GPAT4: variants seen among roughly 807,000 people sequenced by gnomAD.
GPAT4 encodes the protein 1-AGP acyltransferase 6.
In GPAT4, 17 loss-of-function variants were observed where a neutral mutation model predicts 58.0. The ratio of observed to expected loss-of-function variants is 0.29; its 90% CI spans 0.20 to 0.44. The LOEUF is 0.44. GPAT4 is among the 20% of genes least tolerant of loss of function. The probability of loss-of-function intolerance (pLI) is 1.00; values close to 1 mark genes in which losing one functional copy is unlikely to be tolerated. For missense variants in GPAT4, 377 were observed against 574.5 expected (o/e 0.66, Z 3.51); for synonymous variants, 204 against 210.1 (o/e 0.97, Z 0.25).
intron 1 of GPAT4, among the ~76,000 whole-genome samples, chr8:41,579,722 C>T (rs1802460602): frequency 6.6e-6 from 1 of 152,024 alleles, no homozygotes; most frequent in Non-Finnish European, 1.5e-5. Flanking sequence ...CTTGTATTCC[C>T]AGCTACTCGG....
At chr8:41,592,024 A>G (rs966161642) in intron 1 of GPAT4, among the ~76,000 whole-genome samples, 4 of 152,202 alleles carry the variant, frequency 2.6e-5, no homozygotes, top group Non-Finnish European at 5.9e-5. Context: ...CAGTATCCCT[A>G]CGAGCCATCT....
chr8:41,587,674 C>T (rs530848360), intron 1 of GPAT4, among the ~76,000 whole-genome samples: 5 of 152,268 alleles, frequency 3.3e-5, no homozygotes, highest in Admixed American at 1.3e-4. Flanking sequence ...CATCCCAAGT[C>T]GTGACAGCCA....
chr8:41,580,072 A>G (rs971847382), intron 1 of GPAT4, among the ~76,000 whole-genome samples: 4 of 152,210 alleles, frequency 2.6e-5, no homozygotes, highest in Admixed American at 2.6e-4. Flanking sequence ...GCTGTGGATG[A>G]AGACGCTTAC....
rs1403706042 is a variant in GPAT4, at chr8:41,623,877, G to T, written c.*2876G>T. The T allele has an allele frequency of 6.0e-5, 9 of 150,660 alleles. No homozygotes were observed. The allele number at this position is 150,660 out of a possible 1,614,324, so 9.3% of individuals were successfully genotyped here. On this transcript the variant is annotated 3_prime_UTR_variant, in exon 13 of 13. Coordinates refer to ENST00000396987, the MANE Select transcript of GPAT4 (RefSeq NM_178819.4). ...TTAAACACGGAGTTTCACTCTTGTT[G>T]CCCATGCTGGAGTGCAATGGCACAA...
At chr8:41,580,830 T>C (rs1802491633) in intron 1 of GPAT4, among the ~76,000 whole-genome samples, 1 of 152,206 alleles carries the variant, frequency 6.6e-6, no homozygotes. Flanking sequence ...AACTGTTGTG[T>C]GTCTATTTTG....
chr8:41,595,281 C>T (rs1336596069), intron 1 of GPAT4, among the ~76,000 whole-genome samples: 1 of 144,708 alleles, frequency 6.9e-6, no homozygotes, highest in Non-Finnish European at 1.5e-5. Flanking sequence ...TGTTAGGAAA[C>T]CTGCTGGGTT....
At position 41,614,546 on chromosome 8, in the gene GPAT4, G is replaced by A. The variant is rs1179547483; in HGVS notation, c.967+105G>A. ...CCCTCAGCCCTTGTTGGGGTTATCT[G>A]TTTTCACTGAATAATGTTAGGTCCC... On this transcript the variant is annotated intron_variant, in intron 9 of 12. Transcript: ENST00000396987. The A allele has an allele frequency of 5.3e-6, 6 of 1,139,606 alleles. No individual in the cohort carries two copies. The Admixed American group carries it at 1.1e-4, about 20-fold the overall frequency. 70.6% of individuals were successfully genotyped at this position (1,139,606 alleles called of 1,614,324 possible).
rs926231282 is a variant in GPAT4, at chr8:41,624,694, T to C, written c.*3693T>C. ...ACCCCACTCTCTCCCCCAGTCAATATGTCTCTCTCCGATGGGAAAGTTAAT... is the reference window on the plus strand; with the variant it reads ...ACCCCACTCTCTCCCCCAGTCAATACGTCTCTCTCCGATGGGAAAGTTAAT... On this transcript the variant is annotated 3_prime_UTR_variant, in exon 13 of 13. Coordinates refer to ENST00000396987, the MANE Select transcript of GPAT4 (RefSeq NM_178819.4). The C allele has an allele frequency of 3.3e-5, 5 of 152,266 alleles. No homozygotes were observed. Among genetic ancestry groups the C allele is most frequent in the Admixed American group, 6.5e-5 (1 of 15,286 alleles). 9.4% of individuals were successfully genotyped at this position (152,266 alleles called of 1,614,324 possible). A position where few individuals can be genotyped will look rare whatever the true frequency, so the allele number is the denominator to read the frequency against.
chr8:41,589,067 C>T (rs1432776874), intron 1 of GPAT4, among the ~76,000 whole-genome samples: 2 of 152,150 alleles, frequency 1.3e-5, no homozygotes, highest in South Asian at 2.1e-4. Context: ...CGTAAAAGAA[C>T]GGTTATCTAG....
In GPAT4 at chr8:41,578,239, C is replaced by T. The variant is rs896738898; in HGVS notation, c.-888C>T. On this transcript the variant is annotated 5_prime_UTR_variant, in exon 1 of 13. Coordinates refer to ENST00000396987, the MANE Select transcript of GPAT4 (RefSeq NM_178819.4). ...CGGCGGCGGCAAGGGCGGGAGGGAGCGGTCGCCGCGGGATTTGGAGCTGCC... is the reference window on the plus strand; with the variant it reads ...CGGCGGCGGCAAGGGCGGGAGGGAGTGGTCGCCGCGGGATTTGGAGCTGCC... 5 of 151,574 alleles carry T rather than the reference C, an allele frequency of 3.3e-5. No homozygotes were observed. Among genetic ancestry groups the T allele is most frequent in the Non-Finnish European group, 4.4e-5 (3 of 67,930 alleles). 9.4% of individuals were successfully genotyped at this position (151,574 alleles called of 1,614,324 possible).
At position 41,599,169 on chromosome 8, in the gene GPAT4, G is replaced by A; in HGVS notation, c.30G>A (p.Leu10=). ...TCCTGTTGCTGCCTTTTGATAGCCT[G>A]ATTGTCAACCTTCTGGGCATCTCCC... The part of the protein sequence containing the change: MFLLLPFDS[L]IVNLLGISLT... Residue 10 remains leucine (L), a synonymous_variant, in exon 2 of 13, where the codon CTG becomes CTA. Coordinates refer to ENST00000396987, the MANE Select transcript of GPAT4 (RefSeq NM_178819.4). 1 of 1,612,930 alleles carries A rather than the reference G, an allele frequency of 6.2e-7. No homozygotes were observed. The highest frequency in any genetic ancestry group is 8.5e-7 in the Non-Finnish European group (1 of 1,179,660).
At chr8:41,617,169 C>T (rs1015659924) in intron 10 of GPAT4, among the ~76,000 whole-genome samples, 2 of 152,142 alleles carry the variant, frequency 1.3e-5, no homozygotes, top group African/African-American at 2.4e-5. Context: ...CGAGGCAAGC[C>T]TGGCCAATAT....
chr8:41,613,137 C>T (rs993164701), intron 8 of GPAT4, among the ~76,000 whole-genome samples, 177 bp downstream of exon 8: 3 of 152,290 alleles, frequency 2.0e-5, no homozygotes, highest in Middle Eastern at 3.4e-3. Flanking sequence ...TGGCTCATGC[C>T]TGTAATCCCA....
chr8:41,604,263 G>A (rs1023167187), intron 2 of GPAT4, among the ~76,000 whole-genome samples: 30 of 152,192 alleles, frequency 2.0e-4, no homozygotes, highest in Admixed American at 6.5e-5. Flanking sequence ...ACCTAAGCTA[G>A]CCCTGGCTTA....
At chr8:41,596,378 A>G (rs1802932903) in intron 1 of GPAT4, among the ~76,000 whole-genome samples, 1 of 152,222 alleles carries the variant, frequency 6.6e-6, no homozygotes, top group Non-Finnish European at 1.5e-5. Context: ...GTCAAAACCA[A>G]AGTATCAAGC....
chr8:41,603,514 A>G (rs1803162783), intron 2 of GPAT4, among the ~76,000 whole-genome samples: 1 of 147,314 alleles, frequency 6.8e-6, no homozygotes, highest in African/African-American at 2.6e-5. Context: ...TGACAAAGCA[A>G]GACTCCGTCT....
chr8:41,578,839 T>C (rs534455661), intron 1 of GPAT4, among the ~76,000 whole-genome samples: 1 of 152,324 alleles, frequency 6.6e-6, no homozygotes, highest in East Asian at 1.9e-4. Context: ...TGGGGCTTGT[T>C]TATTTCCTCG....
intron 2 of GPAT4, among the ~76,000 whole-genome samples, chr8:41,599,787 T>G (rs766419589): frequency 6.6e-6 from 1 of 152,248 alleles, no homozygotes; most frequent in Non-Finnish European, 1.5e-5. Flanking sequence ...TCTGAACATA[T>G]GTCAGAACTT....
intron 2 of GPAT4, among the ~76,000 whole-genome samples, chr8:41,606,919 G>T (rs767032278): frequency 8.5e-5 from 13 of 152,184 alleles, no homozygotes; most frequent in Non-Finnish European, 1.6e-4. Context: ...AAGTCTATTT[G>T]CATCTGTTGT....
Sources: allele counts gnomAD v4.1 joint callset (sites outside exome capture counted in the v4.1 genomes callset), GRCh38; gene constraint gnomAD v4.1.1; transcripts MANE v1.5; gene names NCBI Gene and HGNC (gene_info 2026-07-23, HGNC 2026-07-21).